Variants in ICE1 observed in about 807,000 individuals in gnomAD.
The protein encoded by ICE1 is interactor of little elongation complex ELL subunit 1.
A neutral mutation model predicts 192.7 loss-of-function variants in ICE1; 64 were observed. The ratio of observed to expected loss-of-function variants is 0.33; its 90% confidence interval spans 0.27 to 0.41. The LOEUF (loss-of-function observed/expected upper bound fraction) is 0.41, where lower values mean the gene tolerates loss of function less well. Ranked by LOEUF, ICE1 falls within the 10% of genes least tolerant of loss-of-function variation. ICE1 has a pLI of 1.00. For synonymous variants in ICE1, 1,010 were observed against 984.5 expected, an observed-to-expected ratio of 1.03 and a Z score of -0.49; for missense variants, 2,708 against 2,696.0, an observed-to-expected ratio of 1.00 and a Z score of -0.10.
intron 17 of ICE1, among the ~76,000 whole-genome samples, chr5:5,486,247 A>G (rs1739635929): frequency 6.6e-6 from 1 of 152,198 alleles, no homozygotes; most frequent in African/African-American, 2.4e-5. Flanking sequence ...ACTTGCACTC[A>G]CAGTCCGGTA....
intron 11 of ICE1, among the ~76,000 whole-genome samples, chr5:5,457,043 C>T (rs1397317123): frequency 6.6e-6 from 1 of 152,094 alleles, no homozygotes; most frequent in Non-Finnish European, 1.5e-5. Context: ...CCAGCAAGGC[C>T]CGTTTTCATG....
intron 3 of ICE1, chr5:5,437,516 T>G (rs954021682): frequency 1.2e-5 from 2 of 169,030 alleles, no homozygotes; most frequent in African/African-American, 2.4e-5. Flanking sequence ...GCAATTGACT[T>G]TCATTAATTA....
intron 16 of ICE1, among the ~76,000 whole-genome samples, chr5:5,474,361 C>T (rs924969940): frequency 6.6e-6 from 1 of 152,124 alleles, no homozygotes; most frequent in African/African-American, 2.4e-5. Flanking sequence ...GGAGGGTGGC[C>T]TTGGTTGGCT....
chr5:5,482,739 G>A (rs1739539226), intron 17 of ICE1, among the ~76,000 whole-genome samples: 2 of 150,626 alleles, frequency 1.3e-5, no homozygotes, highest in African/African-American at 4.9e-5. Context: ...AGGCCTGGCA[G>A]ATTTCTCAGA....
chr5:5,442,761 C>A (rs1738086185), intron 5 of ICE1, among the ~76,000 whole-genome samples: 1 of 152,184 alleles, frequency 6.6e-6, no homozygotes, highest in Admixed American at 6.5e-5. Flanking sequence ...TATCAGTGTT[C>A]ACACATTTTC....
rs935875396 is a variant in ICE1 at position 5,422,959 on chromosome 5, C to G, written c.44C>G (p.Ala15Gly). 2 of 1,453,678 alleles carry G rather than the reference C, an allele frequency of 1.4e-6. No homozygotes were observed. The highest frequency in any genetic ancestry group is 2.9e-5 in the African/African-American group (2 of 67,924). 90.0% of individuals were successfully genotyped at this position (1,453,678 alleles called of 1,614,324 possible). A position where few individuals can be genotyped will look rare whatever the true frequency, so the allele number is the denominator to read the frequency against. Reference protein sequence around the residue: ...ETHSAAPGTAADLSRCQGCAS... With the variant: ...ETHSAAPGTAGDLSRCQGCAS... ...CATTCGGCGGCGCCCGGGACGGCGG[C>G]GGACCTGTCGCGATGTCAGGGCTGC... Residue 15 changes from alanine to glycine, a missense_variant, in exon 1 of 19, where the codon GCG becomes GGG. Around this residue, in one of 2 missense-constraint regions of ICE1, gnomAD observed 2,366 missense variants for 2,276.6 expected, o/e 1.04. Coordinates refer to ENST00000296564, the MANE Select transcript of ICE1 (RefSeq NM_015325.3).
chr5:5,455,753 A>C (rs745476486), intron 11 of ICE1, among the ~76,000 whole-genome samples: 1 of 152,208 alleles, frequency 6.6e-6, no homozygotes, highest in African/African-American at 2.4e-5. Context: ...GAGAATCCCC[A>C]TGGATCCCTT....
At position 5,470,546 on chromosome 5, in the gene ICE1, TACTC is replaced by T. The variant is rs113785005; in HGVS notation, c.6222+1562_6222+1565del. 3.5e-3 allele frequency among the ~76,000 whole-genome samples: 532 copies of T among 152,324 alleles called. 3 individuals carry two copies. The highest frequency in any genetic ancestry group is 0.011 in the African/African-American group (478 of 41,572). ...CCCATTATATTACAGGATTTCCAAATACTCACTTACAGAATTAAACATCTGGTAA... is the reference window on the plus strand; with the variant it reads ...CCCATTATATTACAGGATTTCCAAATACTTACAGAATTAAACATCTGGTAA... On this transcript the variant is annotated intron_variant, in intron 15 of 18. Transcript: ENST00000296564.
Position 5,468,887 on chromosome 5 carries a change from C to T in ICE1, c.6121C>T (p.Leu2041Phe), listed in dbSNP as rs375083449. ...FIANMWHDIF[L>F]SQSVINKAMQ... ...TGCAAACATGTGGCATGATATATTT[C>T]TCTCTCAATCGGTGATTAATAAAGC... Residue 2041 changes from leucine (L) to phenylalanine (F), a missense_variant, in exon 15 of 19, where the codon CTC becomes TTC. Around this residue, in one of 2 missense-constraint regions of ICE1, gnomAD observed 342 missense variants for 419.3 expected, o/e 0.82. Transcript: ENST00000296564. 6.2e-7 allele frequency: 1 copy of T among 1,605,100 alleles called. No homozygotes were observed. Among genetic ancestry groups the T allele is most frequent in the South Asian group, 1.1e-5 (1 of 89,090 alleles).
At chr5:5,431,760 A>G (rs1173378440) in intron 1 of ICE1, among the ~76,000 whole-genome samples, 4 of 151,948 alleles carry the variant, frequency 2.6e-5, no homozygotes, top group African/African-American at 4.8e-5. Context: ...TTTGAATCCT[A>G]TTGAAGTCCA....
At chr5:5,423,114 CCCA>C in intron 1 of ICE1, 115 bp downstream of exon 1, 1 of 525,780 alleles carries the variant, frequency 1.9e-6, no homozygotes, top group Non-Finnish European at 2.9e-6. Flanking sequence ...GCTCTCCCTT[CCCA>C]ACCGTAGCTC....
At chr5:5,443,317 G>GTT (rs112316712) in intron 6 of ICE1, 73 bp downstream of exon 6, 271 of 631,086 alleles carry the variant, frequency 4.3e-4, no homozygotes, top group South Asian at 6.6e-4. Context: ...AGTCGGTAGT[G>GTT]TTTTTTTTTT....
intron 13 of ICE1, among the ~76,000 whole-genome samples, chr5:5,465,840 T>G (rs2111388288): frequency 6.6e-6 from 1 of 152,326 alleles, no homozygotes; most frequent in South Asian, 2.1e-4. Context: ...TAAGTCACTT[T>G]GAAAGGAAGT....
chr5:5,462,595 A>G lies in ICE1; in HGVS notation c.3261A>G (p.Gln1087=), dbSNP rs1457825243. 1.2e-6 allele frequency: 2 copies of G among 1,613,950 alleles called. No individual in the cohort carries two copies. The highest frequency in any genetic ancestry group is 2.2e-5 in the East Asian group (1 of 44,884). ...RKHGETQDTS[Q]SSLPGTLHCY... ...ATGGAGAGACACAGGATACCTCCCAAAGTAGCCTGCCTGGTACCTTACATT... is the reference window on the plus strand; with the variant it reads ...ATGGAGAGACACAGGATACCTCCCAGAGTAGCCTGCCTGGTACCTTACATT... The change falls in exon 13 of 19, where the codon CAA becomes CAG. Residue 1087 remains glutamine (Q), a synonymous_variant. Transcript: ENST00000296564.
chr5:5,483,070 A>G (rs897376471), intron 17 of ICE1, among the ~76,000 whole-genome samples: 4 of 152,030 alleles, frequency 2.6e-5, no homozygotes, highest in Admixed American at 6.6e-5. Context: ...AGCTCACTGC[A>G]ACCTCCACCT....
rs371185250 is a variant in ICE1, at chr5:5,457,751, G to A, written c.1101+10G>A. ...GTCTTCATTTGCACCTGTGAGTTTT[G>A]CTCTCTGAATTTGAATTACCAAGTG... On this transcript the variant is annotated intron_variant, in intron 12 of 18. Coordinates refer to ENST00000296564, the MANE Select transcript of ICE1 (RefSeq NM_015325.3). The A allele has an allele frequency of 4.1e-5, 65 of 1,603,870 alleles. No individual in the cohort carries two copies. In the African/African-American group the frequency reaches 8.0e-4, roughly 20 times the overall value.
chr5:5,433,518 G>A (rs1057236232), intron 1 of ICE1, among the ~76,000 whole-genome samples: 15 of 151,884 alleles, frequency 9.9e-5, no homozygotes, highest in African/African-American at 3.6e-4. Flanking sequence ...TTATCCTCTT[G>A]TCATCCTTGT....
intron 7 of ICE1, among the ~76,000 whole-genome samples, chr5:5,447,156 ACTAGGG>A (rs1327595257): frequency 6.6e-6 from 1 of 152,176 alleles, no homozygotes; most frequent in African/African-American, 2.4e-5. Context: ...TTCTTCCTTA[ACTAGGG>A]GTTGGGATTG....
At chr5:5,452,759 C>G (rs1340759405) in intron 10 of ICE1, among the ~76,000 whole-genome samples, 2 of 151,944 alleles carry the variant, frequency 1.3e-5, no homozygotes, top group Non-Finnish European at 2.9e-5. Context: ...AGTAACCTAC[C>G]CTGATTAAAG....
Sources: gnomAD v4.1 joint callset for allele counts (sites outside exome capture counted in the v4.1 genomes callset) on GRCh38, gnomAD v4.1.1 for gene constraint, gnomAD v4.1.1 regional missense constraint, MANE v1.5 for transcripts, NCBI Gene and HGNC (gene_info 2026-07-23, HGNC 2026-07-21) for gene names.